The following NETO1 variants were observed in gnomAD, a reference collection of about 807,000 sequenced individuals.
NETO1 encodes the protein neuropilin and tolloid-like protein 1.
NETO1 carries 26 observed loss-of-function variants against 61.3 expected under a neutral mutation model. That is an observed-to-expected ratio of 0.42 (90% confidence interval 0.31 to 0.59). NETO1 has a LOEUF of 0.59. Ranked by LOEUF, NETO1 falls within the 20% of genes least tolerant of loss-of-function variation. The pLI, the probability that NETO1 is intolerant of heterozygous loss-of-function variation, is 0.12. For missense variants in NETO1, 531 were observed against 662.8 expected, an observed-to-expected ratio of 0.80 and a Z score of 2.18; for synonymous variants, 225 against 225.8, an observed-to-expected ratio of 1.00 and a Z score of 0.03.
intron 4 of NETO1, among the ~76,000 whole-genome samples, chr18:72,815,295 A>T (rs1411204940): frequency 2.6e-5 from 4 of 152,184 alleles, no homozygotes; most frequent in African/African-American, 9.7e-5. Context: ...CAATATGAAA[A>T]ATAAAAGTAA....
chr18:72,850,656 A>G (rs548966899), intron 4 of NETO1, among the ~76,000 whole-genome samples: 1 of 152,268 alleles, frequency 6.6e-6, no homozygotes, highest in Non-Finnish European at 1.5e-5. Context: ...TTTTACCAAG[A>G]AGCCCAGTAA....
intron 6 of NETO1, among the ~76,000 whole-genome samples, chr18:72,784,645 T>C (rs1319804859): frequency 6.6e-6 from 1 of 152,218 alleles, no homozygotes; most frequent in African/African-American, 2.4e-5. Flanking sequence ...AATTGAAAAT[T>C]AGACATGAGC....
chr18:72,771,108 A>G (rs187183975), intron 7 of NETO1, among the ~76,000 whole-genome samples: 100 of 152,308 alleles, frequency 6.6e-4, no homozygotes, highest in Middle Eastern at 3.4e-3. Context: ...CTGAGATTAT[A>G]TGACAATTTT....
At chr18:72,814,679 T>C (rs917874527) in intron 4 of NETO1, among the ~76,000 whole-genome samples, 3 of 151,940 alleles carry the variant, frequency 2.0e-5, no homozygotes, top group Admixed American at 1.3e-4. Flanking sequence ...AAAAGAATTA[T>C]GCAAATTCAA....
rs1770855211 is a variant in NETO1 at position 72,867,549 on chromosome 18, C to CA, written c.-259_-258insT. The CA allele has an allele frequency of 2.7e-6, 1 of 366,342 alleles. No homozygotes were observed. Among genetic ancestry groups the CA allele is most frequent in the African/African-American group, 2.1e-5 (1 of 47,688 alleles). 22.7% of individuals were successfully genotyped at this position (366,342 alleles called of 1,614,324 possible). ...CTCAGCGCCGCGCAGCCAGCAGCAT[C>CA]CCCACCGTGACGCTCGCATCACACC... On this transcript the variant is annotated 5_prime_UTR_variant, in exon 1 of 11. The change creates a premature stop within an existing upstream ORF in the 5' untranslated region. Coordinates refer to ENST00000327305, the MANE Select transcript of NETO1 (RefSeq NM_138966.5).
At position 72,830,129 on chromosome 18, in the gene NETO1, A is replaced by G. The variant is rs575058830; in HGVS notation, c.469+28697T>C. Among the ~76,000 whole-genome samples the G allele has an allele frequency of 2.6e-5, 4 of 152,320 alleles. No individual in the cohort carries two copies. In the South Asian group the frequency reaches 8.3e-4, roughly 32 times the overall value. On this transcript the variant is annotated intron_variant, in intron 4 of 10. Transcript: ENST00000327305. This position sits in a 1 kb window ranked among gnomAD's most constrained non-coding sequence, Gnocchi z 4.9. ...GGCTGAAATATGAAGGAAGTACTAT[A>G]AAACCTATGGCTTTATCATCATAGA...
At chr18:72,846,863 T>A (rs140726074) in intron 4 of NETO1, among the ~76,000 whole-genome samples, 2 of 152,214 alleles carry the variant, frequency 1.3e-5, no homozygotes, top group South Asian at 2.1e-4. Context: ...GCAACCCTCA[T>A]CTGTGCCTTC....
At chr18:72,839,696 G>C (rs1002855584) in intron 4 of NETO1, among the ~76,000 whole-genome samples, 3 of 152,188 alleles carry the variant, frequency 2.0e-5, no homozygotes, top group Non-Finnish European at 2.9e-5. Flanking sequence ...CTAAGGTATA[G>C]ATAGAGTGTA....
At chr18:72,780,771 G>C (rs982233948) in intron 7 of NETO1, among the ~76,000 whole-genome samples, 5 of 152,040 alleles carry the variant, frequency 3.3e-5, no homozygotes, top group Admixed American at 3.3e-4. Flanking sequence ...TAGGTGTGAG[G>C]TAGTTATCAC....
chr18:72,867,133 G>T, intron 1 of NETO1, 131 bp downstream of exon 1: 1 of 631,414 alleles, frequency 1.6e-6, no homozygotes, highest in Non-Finnish European at 2.4e-6. Flanking sequence ...GTTTACGTCG[G>T]CCCCGACCCG....
At chr18:72,819,224 G>C (rs1052594225) in intron 4 of NETO1, among the ~76,000 whole-genome samples, 1 of 152,022 alleles carries the variant, frequency 6.6e-6, no homozygotes, top group African/African-American at 2.4e-5. Context: ...GCCTCTGACT[G>C]TTTTGTGGCA....
intron 4 of NETO1, among the ~76,000 whole-genome samples, chr18:72,858,260 T>C (rs2074464560): frequency 6.6e-6 from 1 of 152,170 alleles, no homozygotes; most frequent in Admixed American, 6.5e-5. Flanking sequence ...AATTTGATAA[T>C]TGCACACAAT....
At chr18:72,755,829 C>T (rs2070764662) in intron 8 of NETO1, among the ~76,000 whole-genome samples, 1 of 152,000 alleles carries the variant, frequency 6.6e-6, no homozygotes, top group African/African-American at 2.4e-5. Context: ...TGAGGATAGT[C>T]CACTGTGCAC....
At chr18:72,786,879 A>C (rs2071937802) in intron 6 of NETO1, among the ~76,000 whole-genome samples, 1 of 151,174 alleles carries the variant, frequency 6.6e-6, no homozygotes, top group Non-Finnish European at 1.5e-5. Flanking sequence ...GCGCCACTGC[A>C]CTCCAGCCTG....
At chr18:72,770,882 T>C (rs889593216) in intron 7 of NETO1, among the ~76,000 whole-genome samples, 1 of 152,172 alleles carries the variant, frequency 6.6e-6, no homozygotes, top group Non-Finnish European at 1.5e-5. Flanking sequence ...CTCCCTCTTC[T>C]CTTTGATTCT....
chr18:72,846,918 T>G (rs1239423173), intron 4 of NETO1, among the ~76,000 whole-genome samples: 1 of 152,252 alleles, frequency 6.6e-6, no homozygotes, highest in Non-Finnish European at 1.5e-5. Context: ...AATTCTACTT[T>G]GTTTGCGCGC....
chr18:72,846,456 G>A (rs989546451), intron 4 of NETO1, among the ~76,000 whole-genome samples: 5 of 120,468 alleles, frequency 4.2e-5, no homozygotes, highest in Non-Finnish European at 8.0e-5. Context: ...AGTGAACCAA[G>A]ATCGTGCCAC....
intron 6 of NETO1, among the ~76,000 whole-genome samples, chr18:72,786,310 T>C (rs2071916508): frequency 6.6e-6 from 1 of 152,192 alleles, no homozygotes; most frequent in African/African-American, 2.4e-5. Flanking sequence ...TGCAGACTTG[T>C]AAGATGCTGA....
chr18:72,801,251 T>C (rs2066255357), intron 4 of NETO1, among the ~76,000 whole-genome samples: 1 of 141,292 alleles, frequency 7.1e-6, no homozygotes. Context: ...TGACTCTGAT[T>C]AGACTCTTCC....
Sources: allele counts gnomAD v4.1 joint callset (sites outside exome capture counted in the v4.1 genomes callset), GRCh38; gene constraint gnomAD v4.1.1; non-coding constraint Gnocchi (gnomAD v3.1); transcripts MANE v1.5; gene names NCBI Gene and HGNC (gene_info 2026-07-23, HGNC 2026-07-21).